The following PNPLA7 variants were observed in gnomAD, a reference collection of about 807,000 sequenced individuals.
PNPLA7 encodes the protein patatin-like phospholipase domain-containing protein 7.
PNPLA7 carries 153 observed loss-of-function variants against 161.7 expected under a neutral mutation model. That is an observed-to-expected ratio of 0.95 (90% CI 0.83 to 1.08). The LOEUF (loss-of-function observed/expected upper bound fraction) is 1.08, where lower values mean the gene tolerates loss of function less well. Ranked by LOEUF, PNPLA7 falls within the 50% of genes least tolerant of loss-of-function variation. The probability of loss-of-function intolerance (pLI) is 0.00; values close to 1 mark genes in which losing one functional copy is unlikely to be tolerated. For synonymous variants in PNPLA7, 809 were observed against 782.1 expected (o/e 1.03, Z -0.57); for missense variants, 1,739 against 1,856.6 (o/e 0.94, Z 1.16).
At chr9:137,548,816 A>C (rs1836685696) in intron 1 of PNPLA7, among the ~76,000 whole-genome samples, 1 of 152,234 alleles carries the variant, frequency 6.6e-6, no homozygotes, top group Non-Finnish European at 1.5e-5. Flanking sequence ...ATTCTGCACC[A>C]AGACAGAATG....
At chr9:137,508,505 T>C (rs1834037529) in intron 12 of PNPLA7, among the ~76,000 whole-genome samples, 1 of 151,522 alleles carries the variant, frequency 6.6e-6, no homozygotes, top group South Asian at 2.1e-4. Context: ...AGATGGAGCT[T>C]GCAGTGAGCT....
chr9:137,492,212 C>T (rs1393147532), intron 20 of PNPLA7: 3 of 985,112 alleles, frequency 3.0e-6, no homozygotes, highest in Non-Finnish European at 3.6e-6. Flanking sequence ...AAACTAAATT[C>T]CCCACACTCT....
intron 14 of PNPLA7, among the ~76,000 whole-genome samples, chr9:137,504,193 A>G (rs1564326417): frequency 8.7e-6 from 1 of 114,800 alleles, no homozygotes; most frequent in Non-Finnish European, 1.8e-5. Flanking sequence ...AAGGAAGAAG[A>G]AGAGGAAGAA....
chr9:137,548,604 C>T (rs1776756), intron 1 of PNPLA7, among the ~76,000 whole-genome samples: 28,351 of 152,038 alleles, frequency 0.19, 2,930 homozygotes, highest in Admixed American at 0.32. Context: ...AAAAATTAGC[C>T]GGGCGTGGTG....
Position 137,540,863 on chromosome 9 carries a change from G to A in PNPLA7, c.667-141C>T. 1.5e-6 allele frequency: 1 copy of A among 684,774 alleles called. No homozygotes were observed. The highest frequency in any genetic ancestry group is 1.8e-5 in the African/African-American group (1 of 56,602). The allele number at this position is 684,774 out of a possible 1,614,324, so 42.4% of individuals were successfully genotyped here. On this transcript the variant is annotated intron_variant, in intron 7 of 34. Coordinates refer to ENST00000406427, the MANE Select transcript of PNPLA7 (RefSeq NM_001098537.3). This position sits in a 1 kb window ranked among gnomAD's most constrained non-coding sequence, Gnocchi z 5.1. ...CATGAGAGCAGCAGGCACCTTGGAT[G>A]GAGGGCAGGGGACAAGATGGACCTG...
intron 19 of PNPLA7, 75 bp from the exon 20 acceptor site, chr9:137,493,157 C>T (rs1832863261): frequency 6.8e-7 from 1 of 1,469,290 alleles, no homozygotes; most frequent in Non-Finnish European, 9.5e-7. Context: ...CAGTGATGCT[C>T]AACAACAGCG....
At chr9:137,514,284 C>G (rs1440470580) in intron 12 of PNPLA7, among the ~76,000 whole-genome samples, 3 of 144,150 alleles carry the variant, frequency 2.1e-5, no homozygotes, top group Non-Finnish European at 4.5e-5. Flanking sequence ...GATGCCCGGG[C>G]CCTGTGGCCG....
At chr9:137,461,697 C>A (rs992107113) in intron 32 of PNPLA7, 77 bp from the exon 33 acceptor site, 22 of 1,423,660 alleles carry the variant, frequency 1.5e-5, no homozygotes, top group Non-Finnish European at 2.1e-5. Flanking sequence ...TGTGGGGAGG[C>A]CCCACCCACC....
chr9:137,493,274 T>C (rs1832870405), intron 19 of PNPLA7, among the ~76,000 whole-genome samples, 192 bp from the exon 20 acceptor site: 2 of 152,234 alleles, frequency 1.3e-5, no homozygotes, highest in African/African-American at 4.8e-5. Context: ...CCTTGCAGCC[T>C]TCTTGATGCC....
rs1340115966 is a variant in PNPLA7, at chr9:137,524,299, T to C, written c.748-1442A>G. Among the ~76,000 whole-genome samples the C allele has an allele frequency of 6.6e-6, 1 of 151,890 alleles. No homozygotes were observed. The highest frequency in any genetic ancestry group is 1.5e-5 in the Non-Finnish European group (1 of 67,958). On this transcript the variant is annotated intron_variant, in intron 8 of 34. Transcript: ENST00000406427. The surrounding 1 kb of genome is among the most constrained non-coding windows in gnomAD (Gnocchi z 4.4). Reference sequence around the variant, plus strand: ...TGCCTTGACTCCCAAGTGCTGGCTGTCTCGTGGAGGCCTCGCAGGGTCTCC... The same window carrying C: ...TGCCTTGACTCCCAAGTGCTGGCTGCCTCGTGGAGGCCTCGCAGGGTCTCC...
chr9:137,522,971 T>A, intron 8 of PNPLA7, 114 bp from the exon 9 acceptor site: 1 of 1,424,070 alleles, frequency 7.0e-7, no homozygotes, highest in Non-Finnish European at 9.6e-7. Flanking sequence ...GTCACACGGC[T>A]CCATTCTCCC....
intron 8 of PNPLA7, among the ~76,000 whole-genome samples, chr9:137,531,176 G>A (rs1233896043): frequency 1.3e-5 from 2 of 152,080 alleles, no homozygotes; most frequent in African/African-American, 4.8e-5. Context: ...CAACAGCCGG[G>A]GTCCAGCGAC....
chr9:137,519,878 C>G (rs1404127437), intron 11 of PNPLA7, 39 bp downstream of exon 11: 1 of 1,588,190 alleles, frequency 6.3e-7, no homozygotes, highest in Non-Finnish European at 8.6e-7. Flanking sequence ...CCCCCGGACT[C>G]TGGGGCTGGA....
chr9:137,469,572 T>C (rs1165072218), intron 25 of PNPLA7, among the ~76,000 whole-genome samples: 1 of 152,214 alleles, frequency 6.6e-6, no homozygotes, highest in Non-Finnish European at 1.5e-5. Flanking sequence ...TTCTATCCTC[T>C]GAGTGGTTGT....
intron 11 of PNPLA7, among the ~76,000 whole-genome samples, chr9:137,518,344 C>T (rs1485712024): frequency 9.8e-4 from 82 of 83,594 alleles, no homozygotes; most frequent in Non-Finnish European, 1.2e-3. Flanking sequence ...CTCCACTCTG[C>T]TCACTCCATC....
intron 8 of PNPLA7, among the ~76,000 whole-genome samples, chr9:137,534,811 C>T (rs1040960406): frequency 2.6e-5 from 4 of 152,152 alleles, no homozygotes; most frequent in Admixed American, 6.5e-5. Flanking sequence ...TACGCCTCCC[C>T]GGGTCGATAC....
At chr9:137,487,361 C>T (rs923519920) in intron 20 of PNPLA7, among the ~76,000 whole-genome samples, 11 of 152,258 alleles carry the variant, frequency 7.2e-5, no homozygotes, top group Admixed American at 6.5e-4. Flanking sequence ...GCCCAAAGTG[C>T]CGGCCTGGAG....
intron 1 of PNPLA7, among the ~76,000 whole-genome samples, chr9:137,549,412 A>C (rs140641574): frequency 0.015 from 2,282 of 152,172 alleles, 52 homozygotes; most frequent in African/African-American, 0.052. Flanking sequence ...CTGAAAATAC[A>C]AAAAAATATT....
chr9:137,533,630 G>A (rs1835711888), intron 8 of PNPLA7, among the ~76,000 whole-genome samples: 1 of 141,212 alleles, frequency 7.1e-6, no homozygotes, highest in Non-Finnish European at 1.5e-5. Context: ...AGCATCCCCA[G>A]ACTCCTCCCC....
Sources: allele counts gnomAD v4.1 joint callset (sites outside exome capture counted in the v4.1 genomes callset), GRCh38; gene constraint gnomAD v4.1.1; non-coding constraint Gnocchi (gnomAD v3.1); transcripts MANE v1.5; gene names NCBI Gene and HGNC (gene_info 2026-07-23, HGNC 2026-07-21).